The following NUDT5 variants were observed in gnomAD, a reference collection of about 807,000 sequenced individuals.
The protein encoded by NUDT5 is nudix hydrolase 5.
NUDT5 carries 21 observed loss-of-function variants against 34.1 expected under a neutral mutation model. That is an observed-to-expected ratio of 0.62 (90% CI 0.44 to 0.89). The LOEUF (loss-of-function observed/expected upper bound fraction) is 0.89. Ranked by LOEUF, NUDT5 falls within the 40% of genes least tolerant of loss-of-function variation. The pLI, the probability that NUDT5 is intolerant of heterozygous loss-of-function variation, is 0.00. For synonymous variants in NUDT5, 85 were observed against 97.6 expected, an observed-to-expected ratio of 0.87 and a Z score of 0.76; for missense variants, 249 against 274.8, an observed-to-expected ratio of 0.91 and a Z score of 0.66.
intron 5 of NUDT5, among the ~76,000 whole-genome samples, chr10:12,176,830 G>T (rs1212009287): frequency 6.6e-6 from 1 of 152,014 alleles, no homozygotes; most frequent in African/African-American, 2.4e-5. Flanking sequence ...GGAGTTAAGA[G>T]CCTGGCCTAG....
intron 5 of NUDT5, among the ~76,000 whole-genome samples, chr10:12,177,389 G>C (rs916364072): frequency 8.0e-5 from 12 of 150,276 alleles, no homozygotes; most frequent in Admixed American, 4.0e-4. Flanking sequence ...CGTGGTGGCG[G>C]GCGCCTGTAG....
intron 4 of NUDT5, among the ~76,000 whole-genome samples, chr10:12,178,336 G>C (rs992814368): frequency 2.1e-5 from 3 of 145,230 alleles, no homozygotes; most frequent in African/African-American, 7.5e-5. Flanking sequence ...TAGCAAGACT[G>C]ATTTTCCAGT....
chr10:12,191,094 A>G (rs1046229978), intron 1 of NUDT5, among the ~76,000 whole-genome samples: 1 of 152,140 alleles, frequency 6.6e-6, no homozygotes, highest in Non-Finnish European at 1.5e-5. Context: ...TTTAAAAAAC[A>G]AAGGAAAGGC....
Position 12,184,390 on chromosome 10 carries a change from C to T in NUDT5, c.131+499G>A, listed in dbSNP as rs760910538. The T allele has an allele frequency of 1.4e-5, 14 of 971,654 alleles. No homozygotes were observed. The East Asian group carries it at 1.8e-4, about 12-fold the overall frequency. The allele number at this position is 971,654 out of a possible 1,614,324, so 60.2% of individuals were successfully genotyped here. A position where few individuals can be genotyped will look rare whatever the true frequency, so the allele number is the denominator to read the frequency against. On this transcript the variant is annotated intron_variant, in intron 3 of 9. Coordinates refer to ENST00000491614, the MANE Select transcript of NUDT5 (RefSeq NM_014142.4). ...ACACTTTGTTAAAACTGGGATTACT[C>T]GGTCAAAGGGTACAGTATCTTTAGG... is the stretch of plus-strand genomic sequence containing the variant.
chr10:12,186,484 A>C, intron 1 of NUDT5, among the ~76,000 whole-genome samples, 152 bp from the exon 2 acceptor site: 1 of 152,240 alleles, frequency 6.6e-6, no homozygotes, highest in East Asian at 1.9e-4. Context: ...CGCAGGTGGA[A>C]ATGTGAACAG....
intron 3 of NUDT5, among the ~76,000 whole-genome samples, chr10:12,183,767 T>A (rs1189925443): frequency 1.3e-5 from 2 of 152,240 alleles, no homozygotes; most frequent in South Asian, 2.1e-4. Flanking sequence ...TAATTTTCCT[T>A]CCGGCTTTTT....
chr10:12,194,061 G>A lies in NUDT5; in HGVS notation c.-42+1709C>T, dbSNP rs142644433. On this transcript the variant is annotated intron_variant, in intron 1 of 9. Transcript: ENST00000491614. ...CCGGCTAATTTTTGATATTTTAGTA[G>A]GGACGGGGTTTCGCCATGTTGGACA... Among the ~76,000 whole-genome samples the A allele has an allele frequency of 2.6e-4, 40 of 152,354 alleles. No homozygotes were observed. In the East Asian group the frequency reaches 7.3e-3, roughly 28 times the overall value.
In NUDT5 at chr10:12,181,615, G is replaced by A. The variant is rs958545960; in HGVS notation, c.132-2483C>T. 6.6e-6 allele frequency among the ~76,000 whole-genome samples: 1 copy of A among 152,014 alleles called. No homozygotes were observed. Among genetic ancestry groups the A allele is most frequent in the East Asian group, 1.9e-4 (1 of 5,192 alleles). ...TGTGGGGAACTGCTGCTGGGCATCC[G>A]GTCTGCACACATGCCATTTCATGAC... On this transcript the variant is annotated intron_variant, in intron 3 of 9. Coordinates refer to ENST00000491614, the MANE Select transcript of NUDT5 (RefSeq NM_014142.4). This position sits in a 1 kb window ranked among gnomAD's most constrained non-coding sequence, Gnocchi z 5.0.
intron 3 of NUDT5, chr10:12,184,483 C>A: frequency 6.4e-7 from 1 of 1,550,608 alleles, no homozygotes; most frequent in Non-Finnish European, 8.7e-7. Flanking sequence ...TTCCATGAGG[C>A]AGGCACGTAC....
At chr10:12,191,572 T>C (rs1835231541) in intron 1 of NUDT5, among the ~76,000 whole-genome samples, 1 of 152,130 alleles carries the variant, frequency 6.6e-6, no homozygotes, top group African/African-American at 2.4e-5. Context: ...ATGGCACAAA[T>C]TACTGTTGTG....
Position 12,185,115 on chromosome 10 carries a change from T to C in NUDT5, c.64-159A>G, listed in dbSNP as rs538571712. On this transcript the variant is annotated intron_variant, in intron 2 of 9. Transcript: ENST00000491614. ...GGCACGTTTTTCAGTTCAGAGTAGG[T>C]AGGTATTCAGGGTTGTTTTTTTAAA... Among the ~76,000 whole-genome samples the C allele has an allele frequency of 3.3e-5, 5 of 152,198 alleles. No homozygotes were observed. The South Asian group carries it at 6.2e-4, about 19-fold the overall frequency.
chr10:12,194,821 C>T (rs1420802537), intron 1 of NUDT5, among the ~76,000 whole-genome samples: 2 of 152,190 alleles, frequency 1.3e-5, no homozygotes, highest in Non-Finnish European at 2.9e-5. Context: ...ATGCCTCGCG[C>T]AAGCCTAAAG....
rs765855378 is a variant in NUDT5, at chr10:12,173,719, T to C, written c.384A>G (p.Pro128=). 3.5e-5 allele frequency: 56 copies of C among 1,611,322 alleles called. No homozygotes were observed. The highest frequency in any genetic ancestry group is 4.5e-5 in the Non-Finnish European group (53 of 1,177,642). The change falls in exon 6 of 10, where the codon CCA becomes CCG. Residue 128 remains proline (P), a splice_region_variant and synonymous_variant. Transcript: ENST00000491614. The surrounding 1 kb of genome is among the most constrained non-coding windows in gnomAD (Gnocchi z 4.7). ...GYKGDIAECS[P]AVCMDPGLSN... ...GGTGAATTTTCAAGCAATACCAACC[T>C]GGAGAACATTCGGCAATGTCCCCTT...
chr10:12,180,893 C>CG (rs1201547154), intron 3 of NUDT5, among the ~76,000 whole-genome samples: 6 of 152,298 alleles, frequency 3.9e-5, no homozygotes, highest in Middle Eastern at 3.4e-3. Flanking sequence ...ACACAAGAGG[C>CG]GGGAGGGTCA....
In NUDT5 at chr10:12,170,935, T is replaced by G. The variant is rs966789955; in HGVS notation, c.488-27A>C. The G allele has an allele frequency of 6.2e-7, 1 of 1,611,956 alleles. No homozygotes were observed. Among genetic ancestry groups the G allele is most frequent in the Middle Eastern group, 1.7e-4 (1 of 5,986 alleles). On this transcript the variant is annotated intron_variant, in intron 7 of 9. Coordinates refer to ENST00000491614, the MANE Select transcript of NUDT5 (RefSeq NM_014142.4). The surrounding 1 kb of genome is among the most constrained non-coding windows in gnomAD (Gnocchi z 4.9). Reference sequence around the variant, plus strand: ...TGGAAATAAACAGAAGGAAAACATTTCAGCAAGGCCTGGAGTGGTAACATC... The same window carrying G: ...TGGAAATAAACAGAAGGAAAACATTGCAGCAAGGCCTGGAGTGGTAACATC...
rs188846247 is a variant in NUDT5 at position 12,175,275 on chromosome 10, G to A, written c.290-1462C>T. Among the ~76,000 whole-genome samples the A allele has an allele frequency of 1.8e-3, 277 of 152,090 alleles. 3 individuals carry two copies. The highest frequency in any genetic ancestry group is 5.1e-3 in the African/African-American group (210 of 41,488). On this transcript the variant is annotated intron_variant, in intron 5 of 9. Transcript: ENST00000491614. The surrounding 1 kb of genome is among the most constrained non-coding windows in gnomAD (Gnocchi z 4.8). ...GCGGAGGTTGCAGTGAGCTGAAATC[G>A]TGCCACTGCACTCTAGCTTGGGCAA...
In NUDT5 at chr10:12,173,300, C is replaced by T. The variant is rs797007778; in HGVS notation, c.385+418G>A. On this transcript the variant is annotated intron_variant, in intron 6 of 9. Coordinates refer to ENST00000491614, the MANE Select transcript of NUDT5 (RefSeq NM_014142.4). The surrounding 1 kb of genome is among the most constrained non-coding windows in gnomAD (Gnocchi z 4.7). ...TGATCTTGGCTCACTGCAACCTCTG[C>T]CTCCTGGGTTCAATTCTCCTGCCTC... 6.6e-6 allele frequency among the ~76,000 whole-genome samples: 1 copy of T among 152,178 alleles called. No individual in the cohort carries two copies. Among genetic ancestry groups the T allele is most frequent in the African/African-American group, 2.4e-5 (1 of 41,436 alleles).
rs1343638576 is a variant in NUDT5 at position 12,187,677 on chromosome 10, T to C, written c.-41-1345A>G. Among the ~76,000 whole-genome samples, 2 of 152,232 alleles carry C rather than the reference T, an allele frequency of 1.3e-5. No individual in the cohort carries two copies. Among genetic ancestry groups the C allele is most frequent in the Admixed American group, 6.5e-5 (1 of 15,284 alleles). ...TCTTATTCTTGATCTTTTTGCCATG[T>C]GACCTGTCTTCCTCCTCTGGAAGCT... On this transcript the variant is annotated intron_variant, in intron 1 of 9. Transcript: ENST00000491614. This position sits in a 1 kb window ranked among gnomAD's most constrained non-coding sequence, Gnocchi z 5.4.
In NUDT5 at chr10:12,170,070, G is replaced by GT; in HGVS notation, c.550+646dup. The GT allele has an allele frequency of 1.3e-6, 2 of 1,596,156 alleles. No homozygotes were observed. Among genetic ancestry groups the GT allele is most frequent in the Non-Finnish European group, 1.7e-6 (2 of 1,164,796 alleles). On this transcript the variant is annotated intron_variant, in intron 9 of 9. Coordinates refer to ENST00000491614, the MANE Select transcript of NUDT5 (RefSeq NM_014142.4). This position sits in a 1 kb window ranked among gnomAD's most constrained non-coding sequence, Gnocchi z 4.9. ...TACAGTATCTCCTCGTCTCCACACA[G>GT]TATCTCCTCATGTCTCCATACAGTA...
Sources: gnomAD v4.1 joint callset for allele counts (sites outside exome capture counted in the v4.1 genomes callset) on GRCh38, gnomAD v4.1.1 for gene constraint, Gnocchi (gnomAD v3.1) non-coding constraint, MANE v1.5 for transcripts, NCBI Gene and HGNC (gene_info 2026-07-23, HGNC 2026-07-21) for gene names.